The following CENPI variants were observed in gnomAD, a reference collection of about 807,000 sequenced individuals.
CENPI encodes centromere protein I, also known as FSH primary response 1.
A neutral mutation model predicts 60.4 loss-of-function variants in CENPI; 4 were observed. The ratio of observed to expected loss-of-function variants is 0.07; its 90% CI spans 0.03 to 0.15. The LOEUF is 0.15. CENPI is among the 10% of genes least tolerant of loss of function. The probability of loss-of-function intolerance (pLI) is 1.00; values close to 1 mark genes in which losing one functional copy is unlikely to be tolerated. For synonymous variants in CENPI, 157 were observed against 189.4 expected (o/e 0.83, Z 1.40); for missense variants, 444 against 534.5 (o/e 0.83, Z 1.67).
intron 16 of CENPI, among the ~76,000 whole-genome samples, chrX:101,143,354 G>T (rs1253766005): frequency 9.0e-6 from 1 of 111,495 alleles, no homozygotes; most frequent in Non-Finnish European, 1.9e-5. Context: ...AAGGACAGGG[G>T]TGAGTAGATG....
chrX:101,158,869 G>A (rs190162575), intron 20 of CENPI, among the ~76,000 whole-genome samples: 35 of 111,071 alleles, frequency 3.2e-4, no homozygotes, highest in East Asian at 1.7e-3. Context: ...GACCTCAAGC[G>A]ATCCACCCGC....
chrX:101,120,649 CTG>C (rs1439200748), intron 7 of CENPI, 87 bp from the exon 8 acceptor site: 1 of 836,351 alleles, frequency 1.2e-6, no homozygotes, highest in Non-Finnish European at 1.8e-6. Flanking sequence ...CAAGAAGAAA[CTG>C]TATGAATTGC....
At position 101,163,515 on chromosome X, in the gene CENPI, T is replaced by C. The variant is rs908603031; in HGVS notation, c.*548T>C. The C allele has an allele frequency of 4.2e-5, 5 of 118,925 alleles. No homozygotes were observed. Among genetic ancestry groups the C allele is most frequent in the African/African-American group, 1.6e-4 (5 of 30,678 alleles). The allele number at this position is 118,925 out of a possible 1,213,427, so 9.8% of individuals were successfully genotyped here. Reference sequence around the variant, plus strand: ...GAGGGAAGGAAGGGGAGAGGATTTGTTGGGTAATCAAGACATTCCCGTATA... The same window carrying C: ...GAGGGAAGGAAGGGGAGAGGATTTGCTGGGTAATCAAGACATTCCCGTATA... On this transcript the variant is annotated 3_prime_UTR_variant, in exon 22 of 22. Transcript: ENST00000682095.
At chrX:101,126,934 G>GTTT in intron 9 of CENPI, 136 bp downstream of exon 9, 4 of 641,527 alleles carry the variant, frequency 6.2e-6, no homozygotes, top group Non-Finnish European at 9.2e-6. Flanking sequence ...TTTTGGGAAA[G>GTTT]TTTTTTTTTA....
intron 15 of CENPI, among the ~76,000 whole-genome samples, chrX:101,140,424 C>A (rs948992575): frequency 8.9e-6 from 1 of 111,941 alleles, no homozygotes; most frequent in African/African-American, 3.2e-5. Context: ...AAGGTCTGTT[C>A]TAGGCTGATA....
chrX:101,137,391 G>A (rs1391237825), intron 15 of CENPI, among the ~76,000 whole-genome samples: 1 of 111,478 alleles, frequency 9.0e-6, no homozygotes, highest in Non-Finnish European at 1.9e-5. Context: ...CAAGTTCTTG[G>A]AAAGAAGGAG....
In CENPI at chrX:101,147,727, T is replaced by A. The variant is rs1200366521; in HGVS notation, c.1827-36T>A. ...TTCAAAGGCATTATATTCAAAGGCA[T>A]GTTAAATGTTTCATTCTGTTTGTTT... On this transcript the variant is annotated intron_variant, in intron 18 of 21. Transcript: ENST00000682095. The A allele has an allele frequency of 2.8e-6, 3 of 1,067,276 alleles. No individual in the cohort carries two copies. In the African/African-American group the frequency reaches 5.6e-5, roughly 20 times the overall value. 88.0% of individuals were successfully genotyped at this position (1,067,276 alleles called of 1,213,427 possible). A position where few individuals can be genotyped will look rare whatever the true frequency, so the allele number is the denominator to read the frequency against.
At chrX:101,119,984 G>A (rs1165814334) in intron 6 of CENPI, among the ~76,000 whole-genome samples, 1 of 111,289 alleles carries the variant, frequency 9.0e-6, no homozygotes, top group African/African-American at 3.3e-5. Context: ...GTGAGACCTT[G>A]TCTCCACCAA....
chrX:101,131,882 C>A (rs1287697978), intron 13 of CENPI, among the ~76,000 whole-genome samples: 1 of 111,664 alleles, frequency 9.0e-6, no homozygotes, highest in African/African-American at 3.3e-5. Flanking sequence ...CAAATTACTG[C>A]ATGTACCCCA....
intron 4 of CENPI, among the ~76,000 whole-genome samples, chrX:101,107,815 C>A (rs752700714): frequency 8.5e-5 from 9 of 106,082 alleles, no homozygotes; most frequent in Non-Finnish European, 1.4e-4. Flanking sequence ...ATTACAGGCG[C>A]CTACCACAAC....
chrX:101,126,494 T>C (rs2089737019), intron 8 of CENPI, among the ~76,000 whole-genome samples: 1 of 111,455 alleles, frequency 9.0e-6, no homozygotes. Flanking sequence ...TTGGAAAAGG[T>C]CCTAAGAGAG....
At chrX:101,174,114 G>A in the CENPI span, among the ~76,000 whole-genome samples, 9 of 112,239 alleles carry the variant, frequency 8.0e-5, no homozygotes, top group South Asian at 3.0e-3. Flanking sequence ...GTGAGACTGC[G>A]GAGAAAAGGG....
At chrX:101,166,663 T>C (rs2148275456), downstream of CENPI, among the ~76,000 whole-genome samples, 1 of 113,020 alleles carries the variant, frequency 8.8e-6, no homozygotes, top group South Asian at 3.6e-4. Flanking sequence ...AAAAGTATTT[T>C]CTTTACCCAG....
intron 3 of CENPI, 117 bp from the exon 4 acceptor site, chrX:101,102,157 G>T (rs1018556591): frequency 9.7e-6 from 5 of 516,137 alleles, no homozygotes; most frequent in African/African-American, 7.3e-5. Context: ...TACAGATGTG[G>T]GTCACCACGC....
the CENPI span, among the ~76,000 whole-genome samples, chrX:101,178,878 A>G: frequency 1.8e-5 from 2 of 112,259 alleles, no homozygotes; most frequent in Admixed American, 9.4e-5. Context: ...TCTATCACCA[A>G]TAGATTTAAC....
intron 8 of CENPI, among the ~76,000 whole-genome samples, chrX:101,125,348 C>T (rs2089723768): frequency 9.0e-6 from 1 of 111,607 alleles, no homozygotes; most frequent in Non-Finnish European, 1.9e-5. Flanking sequence ...CTGTTATCTC[C>T]TCTCTTGTTC....
chrX:101,119,129 G>A (rs1176306372), intron 6 of CENPI, among the ~76,000 whole-genome samples: 4 of 111,602 alleles, frequency 3.6e-5, no homozygotes, highest in Admixed American at 1.9e-4. Context: ...GCAGTGAGCC[G>A]AGATCATGCC....
chrX:101,178,404 T>C, the CENPI span, among the ~76,000 whole-genome samples: 53 of 73,255 alleles, frequency 7.2e-4, 1 homozygote, highest in African/African-American at 2.7e-3. Flanking sequence ...TCTTCTTTTT[T>C]TTTTTTTTTT....
intron 8 of CENPI, among the ~76,000 whole-genome samples, chrX:101,125,915 C>T (rs2089730062): frequency 8.9e-6 from 1 of 111,884 alleles, no homozygotes; most frequent in Non-Finnish European, 1.9e-5. Flanking sequence ...TCAAAACAAA[C>T]ACTCTGATAC....
Sources: allele counts gnomAD v4.1 joint callset (sites outside exome capture counted in the v4.1 genomes callset), GRCh38; gene constraint gnomAD v4.1.1; transcripts MANE v1.5; gene names NCBI Gene and HGNC (gene_info 2026-07-23, HGNC 2026-07-21).